ECM2: variants seen among roughly 807,000 people sequenced by gnomAD.
The protein encoded by ECM2 is extracellular matrix protein 2, female organ and adipocyte specific.
Under a neutral mutation model 67.5 loss-of-function variants are expected in ECM2, and 57 were observed. That is an observed-to-expected ratio of 0.84 (90% CI 0.68 to 1.05). The LOEUF (loss-of-function observed/expected upper bound fraction) is 1.05, where lower values mean the gene tolerates loss of function less well. Among genes scored for constraint, ECM2 ranks in the 50% least tolerant of loss-of-function variants. The pLI, the probability that ECM2 is intolerant of heterozygous loss-of-function variation, is 0.00. For missense variants in ECM2, 741 were observed against 822.8 expected (o/e 0.90, Z 1.22); for synonymous variants, 258 against 294.5 (o/e 0.88, Z 1.27).
At chr9:92,554,023 A>G in the ECM2 span, among the ~76,000 whole-genome samples, 1 of 152,076 alleles carries the variant, frequency 6.6e-6, no homozygotes, top group African/African-American at 2.4e-5. Flanking sequence ...TTCCCCATTC[A>G]GTATTATGTT....
At chr9:92,552,044 T>G in the ECM2 span, among the ~76,000 whole-genome samples, 237 of 65,502 alleles carry the variant, frequency 3.6e-3, 30 homozygotes, top group African/African-American at 0.023. Flanking sequence ...TATGTGATAT[T>G]ATAGGTCTAT....
chr9:92,531,538 C>A (rs1201336469), intron 1 of ECM2, among the ~76,000 whole-genome samples: 2 of 152,034 alleles, frequency 1.3e-5, no homozygotes, highest in African/African-American at 4.8e-5. Context: ...CCAGATAATT[C>A]TTTTTTTATG....
the ECM2 span, among the ~76,000 whole-genome samples, chr9:92,548,314 A>T: frequency 6.6e-6 from 1 of 152,214 alleles, no homozygotes; most frequent in African/African-American, 2.4e-5. Context: ...CAGTAAATTA[A>T]TGTGAAAATT....
intron 6 of ECM2, among the ~76,000 whole-genome samples, 158 bp from the exon 7 acceptor site, chr9:92,505,848 A>G (rs1011018312): frequency 3.3e-5 from 5 of 152,202 alleles, no homozygotes; most frequent in African/African-American, 1.2e-4. Flanking sequence ...TTTCTTAAGT[A>G]CTTTGTACAT....
intron 9 of ECM2, among the ~76,000 whole-genome samples, chr9:92,497,557 G>A (rs1184098761): frequency 1.3e-5 from 2 of 151,596 alleles, no homozygotes; most frequent in East Asian, 1.9e-4. Context: ...CTGGGAGGTC[G>A]AGGTTGCAGT....
rs938608861 is a variant in ECM2 at position 92,497,695 on chromosome 9, G to T, written c.1932-1212C>A. On this transcript the variant is annotated intron_variant, in intron 9 of 9. Coordinates refer to ENST00000344604, the MANE Select transcript of ECM2 (RefSeq NM_001393.4). ...AAATACACATACCCCATAAGGTTTG[G>T]TTTTTTTGACCCCTCCAAATCTCAT... is the stretch of plus-strand genomic sequence containing the variant. Among the ~76,000 whole-genome samples, 13 of 151,492 alleles carry T rather than the reference G, an allele frequency of 8.6e-5. No individual in the cohort carries two copies. The East Asian group carries it at 1.7e-3, about 20-fold the overall frequency.
At chr9:92,510,668 G>C (rs1054972435) in intron 5 of ECM2, among the ~76,000 whole-genome samples, 1 of 152,206 alleles carries the variant, frequency 6.6e-6, no homozygotes, top group Non-Finnish European at 1.5e-5. Flanking sequence ...ACCTGTGGTT[G>C]GGTAGGTTTT....
upstream of ECM2, among the ~76,000 whole-genome samples, chr9:92,536,867 A>T (rs79072821): frequency 0.012 from 1,268 of 106,570 alleles, 17 homozygotes; most frequent in African/African-American, 0.04. Context: ...ACTATTTTTT[A>T]AATTTTTTTT....
intron 7 of ECM2, among the ~76,000 whole-genome samples, chr9:92,504,832 C>T (rs1008442488): frequency 8.5e-5 from 13 of 152,212 alleles, no homozygotes; most frequent in African/African-American, 3.1e-4. Context: ...AGCCACTGCA[C>T]GGTCCACCTC....
chr9:92,517,633 T>TG, intron 3 of ECM2, 54 bp downstream of exon 3: 1 of 1,603,012 alleles, frequency 6.2e-7, no homozygotes, highest in Non-Finnish European at 8.5e-7. Flanking sequence ...CAAAAACAAA[T>TG]GGAAGTTAAA....
the ECM2 span, among the ~76,000 whole-genome samples, chr9:92,554,367 A>G: frequency 0.43 from 64,842 of 151,450 alleles, 16,410 homozygotes; most frequent in African/African-American, 0.71. Context: ...GTATTTGGTA[A>G]AGATGGGGTT....
In ECM2 at chr9:92,514,623, T is replaced by C. The variant is rs1456688173; in HGVS notation, c.1054+8A>G. The stretch of plus-strand genomic sequence containing the variant: ...GCACAAAATAAAGCAGAAGTCAACA[T>C]CTCTTACCAGTGAGCTCCAGACTTG... On this transcript the variant is annotated splice_region_variant and intron_variant, in intron 4 of 9. Transcript: ENST00000344604. 2.6e-6 allele frequency: 4 copies of C among 1,558,928 alleles called. No homozygotes were observed. In the East Asian group the frequency reaches 6.8e-5, roughly 26 times the overall value.
chr9:92,518,402 A>G (rs905364953), intron 2 of ECM2, among the ~76,000 whole-genome samples: 9 of 152,258 alleles, frequency 5.9e-5, no homozygotes, highest in Non-Finnish European at 1.0e-4. Context: ...CCGCCAGCCA[A>G]TCCAGTTCCC....
intron 2 of ECM2, among the ~76,000 whole-genome samples, chr9:92,521,524 A>G (rs1848069199): frequency 6.6e-6 from 1 of 152,190 alleles, no homozygotes; most frequent in Non-Finnish European, 1.5e-5. Flanking sequence ...CTGTATTGAG[A>G]CAATATATGA....
intron 6 of ECM2, among the ~76,000 whole-genome samples, chr9:92,506,289 A>G (rs769882891): frequency 2.0e-5 from 3 of 152,232 alleles, no homozygotes; most frequent in Non-Finnish European, 4.4e-5. Context: ...ACTTGTTGGC[A>G]CAGAGTGCAG....
At chr9:92,548,412 C>CAATTAGGG in the ECM2 span, among the ~76,000 whole-genome samples, 1 of 152,138 alleles carries the variant, frequency 6.6e-6, no homozygotes, top group Non-Finnish European at 1.5e-5. Flanking sequence ...GTGAGAGTCC[C>CAATTAGGG]AATTAGGGGG....
At chr9:92,524,369 C>T (rs915161400) in intron 1 of ECM2, among the ~76,000 whole-genome samples, 4 of 152,160 alleles carry the variant, frequency 2.6e-5, no homozygotes, top group Non-Finnish European at 4.4e-5. Flanking sequence ...ACTCTTGGTA[C>T]AGTAGTAGCA....
intron 9 of ECM2, among the ~76,000 whole-genome samples, chr9:92,500,217 CTG>C (rs1846588421): frequency 6.6e-6 from 1 of 152,148 alleles, no homozygotes; most frequent in African/African-American, 2.4e-5. Flanking sequence ...GAGTCTCACT[CTG>C]TCACCCAGGC....
At chr9:92,493,838 AT>A, downstream of ECM2, 1 of 292,872 alleles carries the variant, frequency 3.4e-6, no homozygotes, top group Non-Finnish European at 6.3e-6. Flanking sequence ...AGTCATTCTG[AT>A]TTTCATTTTT....
Sources: gnomAD v4.1 joint callset for allele counts (sites outside exome capture counted in the v4.1 genomes callset) on GRCh38, gnomAD v4.1.1 for gene constraint, MANE v1.5 for transcripts, NCBI Gene and HGNC (gene_info 2026-07-23, HGNC 2026-07-21) for gene names.